PTK2B: variants seen among roughly 807,000 people sequenced by gnomAD.
PTK2B encodes the protein protein tyrosine kinase 2 beta.
PTK2B carries 71 observed loss-of-function variants against 142.9 expected under a neutral mutation model. The observed-to-expected ratio is 0.50, with a 90% CI of 0.41 to 0.61. The LOEUF is 0.61. Ranked by LOEUF, PTK2B falls within the 20% of genes least tolerant of loss-of-function variation. The pLI is 0.00. For synonymous variants in PTK2B, 519 were observed against 503.4 expected (o/e 1.03, Z -0.42); for missense variants, 1,105 against 1,320.4 (o/e 0.84, Z 2.53).
chr8:27,375,054 A>G (rs1301908921), intron 1 of PTK2B, among the ~76,000 whole-genome samples: 1 of 152,232 alleles, frequency 6.6e-6, no homozygotes, highest in Non-Finnish European at 1.5e-5. Flanking sequence ...TGGATTATAA[A>G]GTGGGGACTG....
At chr8:27,376,660 C>T (rs1031141949) in intron 1 of PTK2B, among the ~76,000 whole-genome samples, 2 of 152,142 alleles carry the variant, frequency 1.3e-5, no homozygotes, top group Non-Finnish European at 2.9e-5. Context: ...ATCAAGATGG[C>T]GATGAGAGTG....
chr8:27,364,267 T>G (rs1380583450), intron 1 of PTK2B, among the ~76,000 whole-genome samples: 1 of 152,206 alleles, frequency 6.6e-6, no homozygotes, highest in African/African-American at 2.4e-5. Context: ...AGAATGCACC[T>G]CAGGGGCTTC....
intron 3 of PTK2B, among the ~76,000 whole-genome samples, chr8:27,318,905 C>G (rs1803147849): frequency 1.3e-5 from 2 of 152,134 alleles, no homozygotes; most frequent in African/African-American, 4.8e-5. Flanking sequence ...CCCACCTCAG[C>G]CTCCCAAAGT....
intron 1 of PTK2B, among the ~76,000 whole-genome samples, chr8:27,353,001 G>T (rs10086912): frequency 0.79 from 119,466 of 152,074 alleles, 47,574 homozygotes; most frequent in Middle Eastern, 0.87. Flanking sequence ...AGTTACAAAG[G>T]ATTGAATAAA....
intron 2 of PTK2B, among the ~76,000 whole-genome samples, chr8:27,417,783 A>C (rs1485559798): frequency 1.3e-5 from 2 of 152,124 alleles, no homozygotes; most frequent in Non-Finnish European, 2.9e-5. Context: ...CAGGAGTTCT[A>C]GCCCTGAGGA....
chr8:27,325,853 G>C (rs1021097781), intron 1 of PTK2B, among the ~76,000 whole-genome samples, 172 bp downstream of exon 1: 2 of 152,224 alleles, frequency 1.3e-5, no homozygotes, highest in Admixed American at 6.5e-5. Flanking sequence ...GCACATGCCC[G>C]GAGCTCGCCA....
At chr8:27,346,417 AC>A (rs1279212090) in intron 1 of PTK2B, among the ~76,000 whole-genome samples, 1 of 152,180 alleles carries the variant, frequency 6.6e-6, no homozygotes. Flanking sequence ...GTGGGGGCAC[AC>A]GCCTGTAGTC....
Position 27,450,771 on chromosome 8 carries a change from G to A in PTK2B, c.2363G>A (p.Ser788Asn). 1 of 1,614,192 alleles carries A rather than the reference G, an allele frequency of 6.2e-7. No homozygotes were observed. The highest frequency in any genetic ancestry group is 2.2e-5 in the East Asian group (1 of 44,880). The change falls in exon 25 of 31, where the codon AGC (serine) becomes AAC (asparagine). Residue 788 changes from serine (S) to asparagine (N), a missense_variant. Transcript: ENST00000346049. ...CAGGAGGAGGACTTCATCCAACCCA[G>A]CAGCCGAGAAGAGGCCCAGCAGCTG... is the stretch of plus-strand genomic sequence containing the variant. The part of the protein sequence containing the change: ...SMREEDFIQP[S>N]SREEAQQLWE...
At chr8:27,432,095 C>T (rs11988406) in intron 9 of PTK2B, 165 bp from the exon 10 acceptor site, 258,336 of 585,456 alleles carry the variant, frequency 0.44, 59,033 homozygotes, top group South Asian at 0.55. Context: ...AGATTGGACA[C>T]CCCTGAACTA....
chr8:27,311,862 C>T (rs575302600), intron 1 of PTK2B, among the ~76,000 whole-genome samples: 1 of 152,220 alleles, frequency 6.6e-6, no homozygotes, highest in East Asian at 1.9e-4. Context: ...TCCGAGAAAA[C>T]CTGATTCTTG....
At chr8:27,317,240 A>C (rs1181211160) in intron 3 of PTK2B, among the ~76,000 whole-genome samples, 3 of 152,224 alleles carry the variant, frequency 2.0e-5, no homozygotes, top group Non-Finnish European at 4.4e-5. Context: ...GTTCACTTCT[A>C]AATTCATCAC....
chr8:27,451,208 G>T, intron 26 of PTK2B, 130 bp downstream of exon 26: 1 of 1,165,812 alleles, frequency 8.6e-7, no homozygotes, highest in Non-Finnish European at 1.2e-6. Flanking sequence ...TTTCCATGTT[G>T]GGAGGGTGTC....
intron 4 of PTK2B, 56 bp from the exon 5 acceptor site, chr8:27,422,248 G>T: frequency 6.5e-7 from 1 of 1,542,762 alleles, no homozygotes; most frequent in South Asian, 1.2e-5. Context: ...AGGCCTCTGT[G>T]CAGGGAAGTG....
chr8:27,310,667 G>T, upstream of PTK2B: 1 of 1,030,130 alleles, frequency 9.7e-7, no homozygotes, highest in Non-Finnish European at 1.4e-6. Context: ...GGTCGGAGAG[G>T]TGGGGTCCTG....
intron 28 of PTK2B, 198 bp from the exon 29 acceptor site, chr8:27,453,956 T>C: frequency 3.1e-6 from 2 of 651,778 alleles, no homozygotes; most frequent in Non-Finnish European, 5.1e-6. Context: ...TAGTATTCCG[T>C]TAAGGCTCCC....
At chr8:27,389,382 A>C (rs529073441) in intron 1 of PTK2B, among the ~76,000 whole-genome samples, 27 of 152,230 alleles carry the variant, frequency 1.8e-4, no homozygotes, top group Non-Finnish European at 3.2e-4. Flanking sequence ...TAAGGAGCAC[A>C]ATGAGTATAA....
rs1045178696 is a variant in PTK2B at position 27,457,997 on chromosome 8, A to C, written c.2815-297A>C. Among the ~76,000 whole-genome samples the C allele has an allele frequency of 5.1e-4, 59 of 115,868 alleles. 1 individual carries two copies. The highest frequency in any genetic ancestry group is 9.5e-4 in the Admixed American group (11 of 11,530). 76.0% of individuals were successfully genotyped at this position (115,868 alleles called of 152,430 possible). A position where few individuals can be genotyped will look rare whatever the true frequency, so the allele number is the denominator to read the frequency against. On this transcript the variant is annotated intron_variant, in intron 30 of 30. Coordinates refer to ENST00000346049, the MANE Select transcript of PTK2B (RefSeq NM_173176.3). ...TCTCAAAAAAAAAAAAAAAAAAAAA[A>C]AGATCAGATTCGCATTTTAGAAAGT...
chr8:27,325,879 G>A (rs1416428972), intron 1 of PTK2B, among the ~76,000 whole-genome samples, 198 bp downstream of exon 1: 2 of 152,212 alleles, frequency 1.3e-5, no homozygotes, highest in African/African-American at 2.4e-5. Flanking sequence ...CCGCGGGGAA[G>A]AGGGGTTCTA....
intron 28 of PTK2B, among the ~76,000 whole-genome samples, chr8:27,453,586 ACT>A (rs1305529676): frequency 6.6e-6 from 1 of 151,134 alleles, no homozygotes; most frequent in Non-Finnish European, 1.5e-5. Context: ...GAGCTTTGAA[ACT>A]CTCTGCATAG....
Sources: allele counts gnomAD v4.1 joint callset (sites outside exome capture counted in the v4.1 genomes callset), GRCh38; gene constraint gnomAD v4.1.1; transcripts MANE v1.5; gene names NCBI Gene and HGNC (gene_info 2026-07-23, HGNC 2026-07-21).